Variants in NFIA observed in about 807,000 individuals in gnomAD.
NFIA encodes nuclear factor I A, also known as nuclear factor 1 A-type.
NFIA carries 8 observed loss-of-function variants against 62.8 expected under a neutral mutation model. The observed-to-expected ratio is 0.13, with a 90% CI of 0.07 to 0.23. The LOEUF (loss-of-function observed/expected upper bound fraction) is 0.23. Among genes scored for constraint, NFIA ranks in the 10% least tolerant of loss-of-function variants. NFIA has a pLI of 1.00. For missense variants in NFIA, 410 were observed against 642.1 expected (o/e 0.64, Z 3.91); for synonymous variants, 235 against 238.1 (o/e 0.99, Z 0.12).
chr1:61,283,239 C>T (rs761830852), intron 3 of NFIA, among the ~76,000 whole-genome samples: 4 of 151,920 alleles, frequency 2.6e-5, no homozygotes, highest in Non-Finnish European at 4.4e-5. Flanking sequence ...TTAATGTTTA[C>T]GAAATAAGTT....
intron 7 of NFIA, among the ~76,000 whole-genome samples, chr1:61,390,918 G>A (rs931933677): frequency 6.6e-6 from 1 of 152,192 alleles, no homozygotes; most frequent in Admixed American, 6.5e-5. Context: ...GAAAGTTTGA[G>A]AATAATAGGA....
intron 6 of NFIA, among the ~76,000 whole-genome samples, chr1:61,361,782 GGTGTGTGTGTGTGTGTGTGT>G (rs61410878): frequency 1.1e-3 from 160 of 142,272 alleles, no homozygotes; most frequent in African/African-American, 4.1e-3. Context: ...TTTGGTAAGA[GGTGTGTGTGTGTGTGTGTGT>G]GTGTGTGTGT....
chr1:61,082,672 T>TTCTC lies in NFIA; in HGVS notation c.-98_-95dup, dbSNP rs113913435. The TTCTC allele has an allele frequency of 4.8e-4, 695 of 1,446,470 alleles. No individual in the cohort carries two copies. The highest frequency in any genetic ancestry group is 7.6e-4 in the East Asian group (28 of 37,030). 89.6% of individuals were successfully genotyped at this position (1,446,470 alleles called of 1,614,324 possible). On this transcript the variant is annotated 5_prime_UTR_variant, in exon 1 of 11. Coordinates refer to ENST00000403491, the MANE Select transcript of NFIA (RefSeq NM_001134673.4). Reference sequence around the variant, plus strand: ...AGGCTTGATTTTTTTTTCTCCCCCCTTCTCTCTCTCTCTCTCTCTCTCTCT... The same window carrying TTCTC: ...AGGCTTGATTTTTTTTTCTCCCCCCTTCTCTCTCTCTCTCTCTCTCTCTCTCTCT...
At chr1:61,385,990 T>C (rs1464585287) in intron 7 of NFIA, 1 of 152,216 alleles carries the variant, frequency 6.6e-6, no homozygotes, top group Non-Finnish European at 1.5e-5. Context: ...GTAGTTGAGA[T>C]GAAACTTCAG....
intron 10 of NFIA, among the ~76,000 whole-genome samples, chr1:61,454,333 C>A (rs1316911014): frequency 6.6e-6 from 1 of 152,156 alleles, no homozygotes; most frequent in African/African-American, 2.4e-5. Context: ...TCCATAATTG[C>A]TCATTCTGTC....
rs575712387 is a variant in NFIA, at chr1:61,242,968, T to C, written c.560-34552T>C. Among the ~76,000 whole-genome samples the C allele has an allele frequency of 1.4e-4, 21 of 152,240 alleles. 1 individual carries two copies. In the East Asian group the frequency reaches 4.1e-3, roughly 29 times the overall value. ...GGTGGTGTGTACATTTTGTATATTC[T>C]CTATCACAAGGGGTAGTCAAGAAAT... On this transcript the variant is annotated intron_variant, in intron 2 of 10. Coordinates refer to ENST00000403491, the MANE Select transcript of NFIA (RefSeq NM_001134673.4).
chr1:61,422,698 A>G (rs1451665226), intron 9 of NFIA, among the ~76,000 whole-genome samples: 1 of 150,956 alleles, frequency 6.6e-6, no homozygotes, highest in Non-Finnish European at 1.5e-5. Flanking sequence ...CCTGAGCCCA[A>G]GAGTTTGAGA....
intron 2 of NFIA, among the ~76,000 whole-genome samples, chr1:61,166,330 G>A (rs334724): frequency 0.88 from 133,668 of 152,180 alleles, 59,236 homozygotes; most frequent in Non-Finnish European, 0.94. Flanking sequence ...TGATGAGGAT[G>A]CCAAGTCCAC....
chr1:61,358,931 T>C lies in NFIA; in HGVS notation c.819-216T>C, dbSNP rs146531742. On this transcript the variant is annotated intron_variant, in intron 5 of 10. Transcript: ENST00000403491. ...GCAGCAGCAGCAACTTGATTGACAA[T>C]AAAAATCAAACTCAGACACTTGGAA... Among the ~76,000 whole-genome samples the C allele has an allele frequency of 2.2e-4, 34 of 152,220 alleles. No homozygotes were observed. The East Asian group carries it at 5.0e-3, about 22-fold the overall frequency.
chr1:61,239,578 T>C (rs1180800157), intron 2 of NFIA, among the ~76,000 whole-genome samples: 1 of 152,172 alleles, frequency 6.6e-6, no homozygotes, highest in Non-Finnish European at 1.5e-5. Context: ...GTTCTATGAA[T>C]ATAAGGTGAT....
chr1:61,409,001 C>T (rs769390558), intron 9 of NFIA, among the ~76,000 whole-genome samples: 11 of 152,168 alleles, frequency 7.2e-5, no homozygotes, highest in Non-Finnish European at 1.6e-4. Context: ...GACTCCACTC[C>T]GTGGATTGAA....
At position 61,323,076 on chromosome 1, in the gene NFIA, G is replaced by T. The variant is rs190168649; in HGVS notation, c.626-9436G>T. ...GGGAAATTTGGAGCCACAAAAGAAGGCCAACAGTGTGTAAGTCCCATGACA... is the reference window on the plus strand; with the variant it reads ...GGGAAATTTGGAGCCACAAAAGAAGTCCAACAGTGTGTAAGTCCCATGACA... On this transcript the variant is annotated intron_variant, in intron 3 of 10. Transcript: ENST00000403491. Among the ~76,000 whole-genome samples, 6 of 152,238 alleles carry T rather than the reference G, an allele frequency of 3.9e-5. No homozygotes were observed. The East Asian group carries it at 1.2e-3, about 29-fold the overall frequency.
chr1:61,184,797 G>T (rs1044364154), intron 2 of NFIA, among the ~76,000 whole-genome samples: 1 of 152,098 alleles, frequency 6.6e-6, no homozygotes, highest in Non-Finnish European at 1.5e-5. Flanking sequence ...GAAACGAGAG[G>T]AAAATGGTAA....
At chr1:61,402,188 C>G (rs1046624104) in intron 7 of NFIA, among the ~76,000 whole-genome samples, 1 of 151,856 alleles carries the variant, frequency 6.6e-6, no homozygotes, top group African/African-American at 2.4e-5. Flanking sequence ...CAGGCACCCA[C>G]CACCACACCT....
At chr1:61,183,579 A>G (rs972605380) in intron 2 of NFIA, among the ~76,000 whole-genome samples, 1 of 152,232 alleles carries the variant, frequency 6.6e-6, no homozygotes, top group Admixed American at 6.5e-5. Flanking sequence ...TGCCTGGCCA[A>G]TCAGATGTGA....
chr1:61,238,593 C>G (rs767507578), intron 2 of NFIA, among the ~76,000 whole-genome samples: 5 of 152,166 alleles, frequency 3.3e-5, no homozygotes, highest in Non-Finnish European at 5.9e-5. Context: ...GACAGACATC[C>G]TGGCTAGCTG....
intron 2 of NFIA, among the ~76,000 whole-genome samples, chr1:61,222,306 A>G (rs1020309668): frequency 6.6e-6 from 1 of 152,148 alleles, no homozygotes; most frequent in African/African-American, 2.4e-5. Context: ...AAGAAAGTCA[A>G]GTAATTTGCA....
chr1:61,339,565 C>T (rs1452261523), intron 4 of NFIA, among the ~76,000 whole-genome samples: 1 of 152,094 alleles, frequency 6.6e-6, no homozygotes, highest in Admixed American at 6.5e-5. Flanking sequence ...CAGCCAGCTT[C>T]CTCTACTATA....
intron 2 of NFIA, among the ~76,000 whole-genome samples, chr1:61,256,650 G>C (rs968357768): frequency 1.3e-5 from 2 of 152,034 alleles, no homozygotes; most frequent in African/African-American, 4.8e-5. Flanking sequence ...GTTATGTTTT[G>C]GTCAAAAGGG....
Sources: gnomAD v4.1 joint callset for allele counts (sites outside exome capture counted in the v4.1 genomes callset) on GRCh38, gnomAD v4.1.1 for gene constraint, MANE v1.5 for transcripts, NCBI Gene and HGNC (gene_info 2026-07-23, HGNC 2026-07-21) for gene names.